The following WDR17 variants were observed in gnomAD, a reference collection of about 807,000 sequenced individuals.
WDR17 encodes WD repeat-containing protein 17.
Under a neutral mutation model 161.7 loss-of-function variants are expected in WDR17, and 143 were observed. The ratio of observed to expected loss-of-function variants is 0.88; its 90% CI spans 0.77 to 1.02. The LOEUF is 1.02. Among genes scored for constraint, WDR17 ranks in the 50% least tolerant of loss-of-function variants. WDR17 has a pLI of 0.00. For synonymous variants in WDR17, 517 were observed against 515.6 expected (o/e 1.00, Z -0.04); for missense variants, 1,469 against 1,520.9 (o/e 0.97, Z 0.57).
At chr4:176,074,810 C>CTTTTTTTTTTTTTTTTTT (rs386357678) in intron 1 of WDR17, among the ~76,000 whole-genome samples, 7 of 79,182 alleles carry the variant, frequency 8.8e-5, no homozygotes, top group Non-Finnish European at 1.1e-4. Flanking sequence ...TTTTTTAATG[C>CTTTTTTTTTTTTTTTTTT]TTTTTTTTTT....
chr4:176,068,081 A>G (rs945049945), intron 1 of WDR17: 3 of 152,200 alleles, frequency 2.0e-5, no homozygotes, highest in Non-Finnish European at 4.4e-5. Context: ...GCTTTATCAG[A>G]TTACTGAATT....
At chr4:176,154,144 G>A (rs192167401) in intron 17 of WDR17, among the ~76,000 whole-genome samples, 54 of 152,262 alleles carry the variant, frequency 3.5e-4, no homozygotes, top group African/African-American at 1.2e-3. Context: ...CAGGTTCATC[G>A]ATGTACTTAA....
rs759281890 is a variant in WDR17, at chr4:176,115,954, C to T, written c.282C>T (p.Val94=). The change falls in exon 3 of 29, where the codon GTC becomes GTT. Residue 94 remains valine, a synonymous_variant. Coordinates refer to ENST00000508596, the MANE Select transcript of WDR17 (RefSeq NM_181265.4). ...VIIWNVAEQK[V]IAKLDSTKGI... is the part of the protein sequence containing the mutation. Reference sequence around the variant, plus strand: ...TTTGGAATGTTGCAGAACAAAAAGTCATTGCTAAACTCGACAGTACAAAAG... The same window carrying T: ...TTTGGAATGTTGCAGAACAAAAAGTTATTGCTAAACTCGACAGTACAAAAG... 111 of 1,606,504 alleles carry T rather than the reference C, an allele frequency of 6.9e-5. No homozygotes were observed. The highest frequency in any genetic ancestry group is 6.9e-5 in the Non-Finnish European group (81 of 1,176,550).
At chr4:176,106,689 C>A (rs556224881) in intron 1 of WDR17, among the ~76,000 whole-genome samples, 1 of 152,282 alleles carries the variant, frequency 6.6e-6, no homozygotes, top group Admixed American at 6.5e-5. Flanking sequence ...CATGGTGGCT[C>A]ACATCTGTGA....
chr4:176,163,933 G>T (rs182272905), intron 22 of WDR17, among the ~76,000 whole-genome samples: 1 of 152,226 alleles, frequency 6.6e-6, no homozygotes, highest in East Asian at 1.9e-4. Context: ...GATTATTTTA[G>T]ATTTTTATCT....
At chr4:176,152,646 C>T (rs752678494) in intron 17 of WDR17, among the ~76,000 whole-genome samples, 3 of 146,704 alleles carry the variant, frequency 2.0e-5, no homozygotes, top group South Asian at 2.2e-4. Context: ...AAATACCCTG[C>T]GTGCTGGCTC....
chr4:176,135,700 G>A (rs568620819), intron 8 of WDR17, among the ~76,000 whole-genome samples: 1 of 151,616 alleles, frequency 6.6e-6, no homozygotes, highest in East Asian at 1.9e-4. Flanking sequence ...TTGAAGTATT[G>A]AAGAACTTTT....
intron 1 of WDR17, among the ~76,000 whole-genome samples, chr4:176,091,146 C>A (rs1460931500): frequency 6.6e-6 from 1 of 152,188 alleles, no homozygotes; most frequent in African/African-American, 2.4e-5. Context: ...CTATCCTCAG[C>A]AACCTAATAG....
In WDR17 at chr4:176,148,178, T is replaced by A. The variant is rs1326681538; in HGVS notation, c.1740T>A (p.Ile580=). 6.2e-7 allele frequency: 1 copy of A among 1,613,906 alleles called. No homozygotes were observed. Among genetic ancestry groups the A allele is most frequent in the Non-Finnish European group, 8.5e-7 (1 of 1,179,958 alleles). ...ATACTCAGGATGCTTGCATCAATAT[T>A]CTTAATGGACACACTGCACCTGTGA... is the stretch of plus-strand genomic sequence containing the variant. ...WDYTQDACIN[I]LNGHTAPVRG... Residue 580 remains isoleucine, a synonymous_variant, in exon 13 of 29, where the codon ATT becomes ATA. Transcript: ENST00000508596.
chr4:176,115,651 C>G (rs1740495858), intron 2 of WDR17, 145 bp from the exon 3 acceptor site: 2 of 512,138 alleles, frequency 3.9e-6, no homozygotes, highest in Non-Finnish European at 3.1e-6. Context: ...TGAATGTAGA[C>G]CAAGGCTTGA....
Position 176,115,920 on chromosome 4 carries a change from T to G in WDR17, c.248T>G (p.Leu83Ter). Residue 83 changes from leucine to a stop codon, truncating the protein, a stop_gained, in exon 3 of 29, where the codon TTA becomes TGA. Coordinates refer to ENST00000508596, the MANE Select transcript of WDR17 (RefSeq NM_181265.4). LOFTEE classifies it high-confidence loss of function. ...TTTGCAAGTGGCAGTACTGATAATTTAGTGATCATTTGGAATGTTGCAGAA... is the reference window on the plus strand; with the variant it reads ...TTTGCAAGTGGCAGTACTGATAATTGAGTGATCATTTGGAATGTTGCAGAA... ...DLFASGSTDN[L>*]VIIWNVAEQK... 3.1e-6 allele frequency: 5 copies of G among 1,610,868 alleles called. No individual in the cohort carries two copies. The highest frequency in any genetic ancestry group is 2.5e-6 in the Non-Finnish European group (3 of 1,178,274).
At chr4:176,069,645 C>T (rs936136235) in intron 1 of WDR17, among the ~76,000 whole-genome samples, 3 of 152,056 alleles carry the variant, frequency 2.0e-5, no homozygotes, top group Admixed American at 6.6e-5. Context: ...CTTCCAGATT[C>T]TTCCCATTTT....
rs763774988 is a variant in WDR17, at chr4:176,125,378, G to A, written c.790+23G>A. On this transcript the variant is annotated intron_variant, in intron 5 of 28. Coordinates refer to ENST00000508596, the MANE Select transcript of WDR17 (RefSeq NM_181265.4). ...GAGGTAAGCTAATCCCCATAACCCAGAGTTTTAAATACGTGTATATATTCT... is the reference window on the plus strand; with the variant it reads ...GAGGTAAGCTAATCCCCATAACCCAAAGTTTTAAATACGTGTATATATTCT... 6 of 1,608,918 alleles carry A rather than the reference G, an allele frequency of 3.7e-6. No homozygotes were observed. The South Asian group carries it at 6.6e-5, about 18-fold the overall frequency.
intron 1 of WDR17, among the ~76,000 whole-genome samples, chr4:176,085,214 T>C (rs1426039097): frequency 6.6e-6 from 1 of 152,142 alleles, no homozygotes; most frequent in African/African-American, 2.4e-5. Context: ...TTTTCACATT[T>C]AATCTAATTC....
intron 5 of WDR17, among the ~76,000 whole-genome samples, chr4:176,126,669 G>A (rs925420130): frequency 6.6e-6 from 1 of 152,104 alleles, no homozygotes; most frequent in Admixed American, 6.6e-5. Context: ...TTTGGATTAG[G>A]TATAATAAGT....
At chr4:176,157,323 CA>C (rs1381073688) in intron 18 of WDR17, among the ~76,000 whole-genome samples, 1 of 152,070 alleles carries the variant, frequency 6.6e-6, no homozygotes, top group Non-Finnish European at 1.5e-5. Context: ...GGTTTAGTGG[CA>C]AAAAATCAAC....
chr4:176,075,076 A>G (rs919143660), intron 1 of WDR17, among the ~76,000 whole-genome samples: 4 of 151,982 alleles, frequency 2.6e-5, no homozygotes, highest in African/African-American at 9.7e-5. Context: ...TGCCTTTTAA[A>G]TTAACTACAT....
At chr4:176,071,160 A>G (rs1397031492) in intron 1 of WDR17, among the ~76,000 whole-genome samples, 2 of 152,056 alleles carry the variant, frequency 1.3e-5, no homozygotes, top group East Asian at 3.9e-4. Flanking sequence ...ATTTATAAAA[A>G]TAGGGGTATA....
rs143118989 is a variant in WDR17, at chr4:176,107,766, T to G, written c.-6-3809T>G. ...TGGGATGTTAATCCCTTAACAGATA[T>G]GTGGTTTACAAATATTTTTTCCCAT... On this transcript the variant is annotated intron_variant, in intron 1 of 28. Transcript: ENST00000508596. Among the ~76,000 whole-genome samples the G allele has an allele frequency of 1.5e-3, 231 of 152,242 alleles. 1 individual carries two copies. The highest frequency in any genetic ancestry group is 0.013 in the East Asian group (70 of 5,186).
Sources: allele counts gnomAD v4.1 joint callset (sites outside exome capture counted in the v4.1 genomes callset), GRCh38; gene constraint gnomAD v4.1.1; transcripts MANE v1.5; gene names NCBI Gene and HGNC (gene_info 2026-07-23, HGNC 2026-07-21).